Variants in TEX11 observed in about 807,000 individuals in gnomAD.
TEX11 encodes the protein testis-expressed protein 11.
Under a neutral mutation model 84.4 loss-of-function variants are expected in TEX11, and 7 were observed. The observed-to-expected ratio is 0.08, with a 90% CI of 0.05 to 0.16. TEX11 has a LOEUF of 0.16. Among genes scored for constraint, TEX11 ranks in the 10% least tolerant of loss-of-function variants. TEX11 has a pLI of 1.00. For missense variants in TEX11, 551 were observed against 660.5 expected (o/e 0.83, Z 1.82); for synonymous variants, 264 against 222.8 (o/e 1.18, Z -1.64).
rs1309376429 is a variant in TEX11 at position 70,610,179 on chromosome X, G to A, written c.1792+324C>T. ...GAAAGGAAAGGAGGGAGGGAAGGGG[G>A]AAGGAGAGAAAGAAGGAAGGAAGGA... On this transcript the variant is annotated intron_variant, in intron 21 of 29. Coordinates refer to ENST00000374333, the MANE Select transcript of TEX11 (RefSeq NM_031276.3). Among the ~76,000 whole-genome samples the A allele has an allele frequency of 8.4e-5, 6 of 71,404 alleles. No homozygotes were observed. In the East Asian group the frequency reaches 3.3e-3, roughly 39 times the overall value. 62.0% of individuals were successfully genotyped at this position (71,404 alleles called of 115,157 possible). A position where few individuals can be genotyped will look rare whatever the true frequency, so the allele number is the denominator to read the frequency against.
At chrX:70,850,002 AC>A (rs2091499181) in intron 7 of TEX11, among the ~76,000 whole-genome samples, 1 of 111,943 alleles carries the variant, frequency 8.9e-6, no homozygotes, top group South Asian at 3.7e-4. Context: ...ACCTTTGCTT[AC>A]AAATTTCCAG....
chrX:70,800,687 CTTTTTTTTTTTTT>C (rs60458912), intron 9 of TEX11, among the ~76,000 whole-genome samples: 2 of 62,314 alleles, frequency 3.2e-5, no homozygotes, highest in Non-Finnish European at 6.4e-5. Context: ...ATTTCATGTG[CTTTTTTTTTTTTT>C]TTTTTTTTTT....
chrX:70,833,461 G>T, intron 8 of TEX11, 52 bp downstream of exon 8: 1 of 1,023,580 alleles, frequency 9.8e-7, no homozygotes, highest in South Asian at 1.9e-5. Context: ...ATTCTTCCTG[G>T]AACTTGATAT....
chrX:70,897,651 G>A (rs1460730776), intron 2 of TEX11: 14 of 87,233 alleles, frequency 1.6e-4, no homozygotes, highest in African/African-American at 6.0e-4. Flanking sequence ...AAGGAAGGAA[G>A]GAAGGAAGGA....
chrX:70,622,904 A>C (rs1488729783), intron 20 of TEX11, among the ~76,000 whole-genome samples: 1 of 112,035 alleles, frequency 8.9e-6, no homozygotes. Context: ...CTTTTAAAAA[A>C]CCAACCACAC....
chrX:70,841,601 G>A (rs2091444465), intron 7 of TEX11, among the ~76,000 whole-genome samples: 1 of 110,533 alleles, frequency 9.0e-6, no homozygotes, highest in Non-Finnish European at 1.9e-5. Context: ...ACATTCAAAA[G>A]CTAGCAGAAG....
intron 4 of TEX11, among the ~76,000 whole-genome samples, chrX:70,869,924 G>A (rs183866715): frequency 8.9e-6 from 1 of 112,352 alleles, no homozygotes; most frequent in East Asian, 2.8e-4. Context: ...GCCAAAGGCA[G>A]CTGAGGCTGA....
At chrX:70,629,172 TG>T (rs2089481330) in intron 18 of TEX11, among the ~76,000 whole-genome samples, 1 of 112,098 alleles carries the variant, frequency 8.9e-6, no homozygotes, top group Admixed American at 9.5e-5. Context: ...ACCAGAATTC[TG>T]TAGTAACAAA....
chrX:70,556,576 T>C (rs1314204555), intron 25 of TEX11, among the ~76,000 whole-genome samples: 5 of 111,972 alleles, frequency 4.5e-5, no homozygotes, highest in Middle Eastern at 4.6e-3. Flanking sequence ...ATGTTCCTTG[T>C]GAATTTGAAA....
rs767430767 is a variant in TEX11 at position 70,659,583 on chromosome X, G to A, written c.1381-8031C>T. Among the ~76,000 whole-genome samples the A allele has an allele frequency of 3.6e-5, 4 of 111,853 alleles. No homozygotes were observed. In the East Asian group the frequency reaches 1.1e-3, roughly 31 times the overall value. On this transcript the variant is annotated intron_variant, in intron 16 of 29. Coordinates refer to ENST00000374333, the MANE Select transcript of TEX11 (RefSeq NM_031276.3). ...TGTTGACCAGGATGTGGAGAAATTG[G>A]AACACTTGTGCATTACTGGTGGGAA...
intron 8 of TEX11, among the ~76,000 whole-genome samples, chrX:70,828,854 GA>G (rs981725154): frequency 9.1e-6 from 1 of 109,844 alleles, no homozygotes; most frequent in African/African-American, 3.3e-5. Context: ...TAAAAGAGAA[GA>G]AAAAAAATCA....
At chrX:70,852,787 A>C (rs1026082828) in intron 7 of TEX11, among the ~76,000 whole-genome samples, 4 of 111,497 alleles carry the variant, frequency 3.6e-5, no homozygotes, top group African/African-American at 1.3e-4. Flanking sequence ...TAAATGACAG[A>C]TGTTACATGC....
intron 25 of TEX11, among the ~76,000 whole-genome samples, chrX:70,562,713 A>G (rs145693342): frequency 0.01 from 1,176 of 112,077 alleles, 13 homozygotes; most frequent in African/African-American, 0.036. Flanking sequence ...TTTGTGGCAT[A>G]TAGTTCTATT....
intron 17 of TEX11, among the ~76,000 whole-genome samples, chrX:70,646,671 G>A (rs764663233): frequency 1.5e-4 from 17 of 111,635 alleles, no homozygotes; most frequent in African/African-American, 5.2e-4. Flanking sequence ...TTAAAACCAC[G>A]ATGATAACAT....
At chrX:70,535,826 C>T (rs1364700180) in intron 28 of TEX11, among the ~76,000 whole-genome samples, 2 of 108,823 alleles carry the variant, frequency 1.8e-5, no homozygotes, top group African/African-American at 6.7e-5. Context: ...AGGCTGGTCC[C>T]AAACTTCTGG....
At chrX:70,816,406 T>C (rs2091286465) in intron 8 of TEX11, among the ~76,000 whole-genome samples, 1 of 111,843 alleles carries the variant, frequency 8.9e-6, no homozygotes, top group Non-Finnish European at 1.9e-5. Context: ...GTCTCCCCGA[T>C]AAGATTCTAT....
chrX:70,749,028 C>T (rs1447737582), intron 9 of TEX11, among the ~76,000 whole-genome samples: 6 of 101,916 alleles, frequency 5.9e-5, no homozygotes, highest in African/African-American at 1.6e-4. Context: ...GCCATTTTCA[C>T]GATATCGATT....
intron 4 of TEX11, among the ~76,000 whole-genome samples, chrX:70,865,930 G>A (rs1439572882): frequency 1.8e-5 from 2 of 111,600 alleles, no homozygotes; most frequent in Non-Finnish European, 3.8e-5. Flanking sequence ...TGCCCACATC[G>A]GAAAGCTGGA....
chrX:70,751,064 A>T (rs1328277975), intron 9 of TEX11, among the ~76,000 whole-genome samples: 10 of 102,216 alleles, frequency 9.8e-5, no homozygotes, highest in Admixed American at 2.1e-4. Context: ...ATTGTGGAAG[A>T]CAGTGTGGCG....
Sources: allele counts gnomAD v4.1 joint callset (sites outside exome capture counted in the v4.1 genomes callset), GRCh38; gene constraint gnomAD v4.1.1; transcripts MANE v1.5; gene names NCBI Gene and HGNC (gene_info 2026-07-23, HGNC 2026-07-21).